Variants in ACVR1 observed in about 807,000 individuals in gnomAD.
ACVR1 encodes activin A receptor type 1.
ACVR1 carries 38 observed loss-of-function variants against 57.1 expected under a neutral mutation model. The observed-to-expected ratio is 0.67, with a 90% CI of 0.51 to 0.87. The LOEUF (loss-of-function observed/expected upper bound fraction) is 0.87. Ranked by LOEUF, ACVR1 falls within the 40% of genes least tolerant of loss-of-function variation. The pLI is 0.00. For synonymous variants in ACVR1, 212 were observed against 228.1 expected (o/e 0.93, Z 0.63); for missense variants, 463 against 638.2 (o/e 0.73, Z 2.96).
At chr2:157,748,771 A>G (rs1685067732) in intron 9 of ACVR1, among the ~76,000 whole-genome samples, 2 of 152,204 alleles carry the variant, frequency 1.3e-5, no homozygotes, top group African/African-American at 4.8e-5. Context: ...ACCTAAAGGC[A>G]TGCCAATTTT....
chr2:157,859,509 A>G lies in ACVR1; in HGVS notation c.-183+16287T>C, dbSNP rs1346779179. Among the ~76,000 whole-genome samples the G allele has an allele frequency of 2.6e-5, 4 of 152,256 alleles. 1 individual carries two copies. The East Asian group carries it at 7.7e-4, about 29-fold the overall frequency. The stretch of plus-strand genomic sequence containing the variant: ...CACTTTACTCTATGGACTCGCCTCC[A>G]ATTTTTTCTTGCGCGAGTCCAAGAA... On this transcript the variant is annotated intron_variant, in intron 1 of 10. Transcript: ENST00000434821.
chr2:157,838,874 C>G (rs1688880374), intron 1 of ACVR1, among the ~76,000 whole-genome samples: 1 of 152,164 alleles, frequency 6.6e-6, no homozygotes, highest in South Asian at 2.1e-4. Context: ...GTAAGTAGAA[C>G]CTAAAAATTA....
chr2:157,844,203 T>C (rs1237546190), intron 1 of ACVR1, among the ~76,000 whole-genome samples: 1 of 152,108 alleles, frequency 6.6e-6, no homozygotes, highest in Admixed American at 6.5e-5. Flanking sequence ...CTCACAAGAG[T>C]GTCTTCCAGG....
chr2:157,817,148 A>C (rs1377481596), intron 2 of ACVR1, among the ~76,000 whole-genome samples: 1 of 151,904 alleles, frequency 6.6e-6, no homozygotes, highest in African/African-American at 2.4e-5. Context: ...TTTTTTGTAG[A>C]GACGGAGTCT....
chr2:157,855,282 GT>G, intron 1 of ACVR1, among the ~76,000 whole-genome samples: 1 of 67,648 alleles, frequency 1.5e-5, no homozygotes, highest in African/African-American at 5.4e-5. Context: ...GTGTGTGTGT[GT>G]GTGTGTGTGT....
At chr2:157,796,258 T>C (rs1687115770) in intron 3 of ACVR1, among the ~76,000 whole-genome samples, 1 of 150,218 alleles carries the variant, frequency 6.7e-6, no homozygotes, top group African/African-American at 2.4e-5. Flanking sequence ...CAAAATATCA[T>C]ACAGAATCGA....
intron 1 of ACVR1, among the ~76,000 whole-genome samples, chr2:157,828,449 CAAAAAAAAA>C (rs369753645): frequency 1.2e-5 from 1 of 84,302 alleles, no homozygotes; most frequent in Non-Finnish European, 2.2e-5. Flanking sequence ...GACTCCGTCT[CAAAAAAAAA>C]AAAAAAAAAA....
intron 3 of ACVR1, among the ~76,000 whole-genome samples, chr2:157,797,375 A>AC (rs1047726977): frequency 1.4e-4 from 22 of 152,234 alleles, no homozygotes; most frequent in African/African-American, 5.1e-4. Flanking sequence ...AGAAGACCAT[A>AC]CCCCAAAGAA....
At chr2:157,856,620 T>C (rs1464309083) in intron 1 of ACVR1, among the ~76,000 whole-genome samples, 1 of 152,212 alleles carries the variant, frequency 6.6e-6, no homozygotes, top group Non-Finnish European at 1.5e-5. Flanking sequence ...TTGAGCTTTG[T>C]TACAGGGGCT....
intron 1 of ACVR1, among the ~76,000 whole-genome samples, chr2:157,833,739 T>C (rs1003937726): frequency 6.6e-5 from 10 of 152,182 alleles, no homozygotes; most frequent in Admixed American, 1.3e-4. Context: ...AATGATAATC[T>C]TCTGTAAGTT....
intron 1 of ACVR1, among the ~76,000 whole-genome samples, chr2:157,853,577 T>C (rs537956122): frequency 1.3e-5 from 2 of 152,322 alleles, no homozygotes; most frequent in South Asian, 4.1e-4. Context: ...AAGAACCTTC[T>C]TAAAGCTGCT....
chr2:157,804,589 G>A (rs973596663), intron 2 of ACVR1, among the ~76,000 whole-genome samples: 5 of 152,092 alleles, frequency 3.3e-5, no homozygotes, highest in East Asian at 1.9e-4. Context: ...CGTGCCTCTC[G>A]TGTACGCACA....
At chr2:157,841,309 G>A (rs996640635) in intron 1 of ACVR1, among the ~76,000 whole-genome samples, 6 of 152,072 alleles carry the variant, frequency 3.9e-5, no homozygotes, top group African/African-American at 7.2e-5. Flanking sequence ...CTTCTCCTTC[G>A]ACAATCACAG....
At chr2:157,823,655 A>G (rs1014449019) in intron 1 of ACVR1, among the ~76,000 whole-genome samples, 8 of 152,060 alleles carry the variant, frequency 5.3e-5, no homozygotes, top group Non-Finnish European at 5.9e-5. Context: ...TTTGGCTAAG[A>G]CAAAAGGGGC....
intron 1 of ACVR1, among the ~76,000 whole-genome samples, chr2:157,847,730 T>TA: frequency 6.6e-6 from 1 of 152,152 alleles, no homozygotes; most frequent in Admixed American, 6.5e-5. Flanking sequence ...TTACAAACAG[T>TA]AATACTATGG....
intron 2 of ACVR1, among the ~76,000 whole-genome samples, chr2:157,804,696 C>A (rs34007272): frequency 0.025 from 3,779 of 152,266 alleles, 46 homozygotes; most frequent in Middle Eastern, 0.041. Context: ...TGGTTAGAGA[C>A]CTCCTGCCTT....
At position 157,817,040 on chromosome 2, in the gene ACVR1, G is replaced by A. The variant is rs993422320; in HGVS notation, c.-8+1345C>T. Among the ~76,000 whole-genome samples the A allele has an allele frequency of 2.0e-4, 30 of 151,944 alleles. 1 individual carries two copies. The highest frequency in any genetic ancestry group is 7.2e-4 in the African/African-American group (30 of 41,442). On this transcript the variant is annotated intron_variant, in intron 2 of 10. Coordinates refer to ENST00000434821, the MANE Select transcript of ACVR1 (RefSeq NM_001111067.4). The stretch of plus-strand genomic sequence containing the variant: ...AGTGGTGCAATCACGGCTCATTGAA[G>A]CCTCAACTTCCCAGATTCAAGTAAT...
intron 5 of ACVR1, among the ~76,000 whole-genome samples, chr2:157,777,382 A>G (rs929160787): frequency 2.6e-5 from 4 of 152,220 alleles, no homozygotes; most frequent in African/African-American, 9.7e-5. Flanking sequence ...AATACACACA[A>G]GATTTTGAAA....
intron 3 of ACVR1, among the ~76,000 whole-genome samples, chr2:157,799,154 C>T (rs113067736): frequency 7.9e-5 from 12 of 152,022 alleles, no homozygotes; most frequent in African/African-American, 2.7e-4. Flanking sequence ...CCTCGACCTC[C>T]CAAAGTGCTG....
Sources: gnomAD v4.1 joint callset for allele counts (sites outside exome capture counted in the v4.1 genomes callset) on GRCh38, gnomAD v4.1.1 for gene constraint, MANE v1.5 for transcripts, NCBI Gene and HGNC (gene_info 2026-07-23, HGNC 2026-07-21) for gene names.